Variants in PMS1 observed in about 807,000 individuals in gnomAD.
PMS1 encodes PMS1 protein homolog 1.
PMS1 carries 79 observed loss-of-function variants against 93.1 expected under a neutral mutation model. That is an observed-to-expected ratio of 0.85 (90% CI 0.71 to 1.02). PMS1 has a LOEUF of 1.02. PMS1 is among the 50% of genes least tolerant of loss of function. The probability of loss-of-function intolerance (pLI) is 0.00; values close to 1 mark genes in which losing one functional copy is unlikely to be tolerated. For synonymous variants in PMS1, 335 were observed against 363.4 expected (o/e 0.92, Z 0.89); for missense variants, 1,064 against 1,085.3 (o/e 0.98, Z 0.28).
chr2:189,785,865 C>G (rs2048289198), intron 1 of PMS1, among the ~76,000 whole-genome samples: 1 of 152,168 alleles, frequency 6.6e-6, no homozygotes, highest in Admixed American at 6.5e-5. Context: ...TGGCTCACAC[C>G]TGTAATCCCA....
intron 7 of PMS1, among the ~76,000 whole-genome samples, chr2:189,853,679 C>T (rs1219481552): frequency 6.6e-6 from 1 of 151,388 alleles, no homozygotes; most frequent in African/African-American, 2.4e-5. Flanking sequence ...CTATGCCCGG[C>T]TAATTTTTGT....
intron 1 of PMS1, among the ~76,000 whole-genome samples, chr2:189,785,891 A>G (rs1347626275): frequency 6.6e-6 from 1 of 152,080 alleles, no homozygotes; most frequent in Non-Finnish European, 1.5e-5. Context: ...TTGGGAGGCC[A>G]AGGCGGGCGG....
chr2:189,807,981 T>C (rs961585125), intron 4 of PMS1, among the ~76,000 whole-genome samples: 3 of 152,218 alleles, frequency 2.0e-5, no homozygotes, highest in Non-Finnish European at 4.4e-5. Flanking sequence ...TATATATATC[T>C]ACAAACACTT....
chr2:189,840,012 A>G (rs968194142), intron 5 of PMS1, among the ~76,000 whole-genome samples: 2 of 152,234 alleles, frequency 1.3e-5, no homozygotes, highest in Admixed American at 1.3e-4. Flanking sequence ...TTAACAAAAC[A>G]CACCATAATT....
At chr2:189,809,676 T>C (rs1328245163) in intron 4 of PMS1, among the ~76,000 whole-genome samples, 1 of 151,848 alleles carries the variant, frequency 6.6e-6, no homozygotes, top group Non-Finnish European at 1.5e-5. Flanking sequence ...AAACCCTGTC[T>C]CTCCTAAAAA....
intron 9 of PMS1, among the ~76,000 whole-genome samples, chr2:189,861,944 A>G (rs2056061770): frequency 6.6e-6 from 1 of 151,938 alleles, no homozygotes; most frequent in Admixed American, 6.6e-5. Context: ...ATATAAATAT[A>G]TCTAATATAC....
chr2:189,852,919 T>TC, intron 7 of PMS1, 142 bp downstream of exon 7: 1 of 650,924 alleles, frequency 1.5e-6, no homozygotes, highest in Non-Finnish European at 2.7e-6. Flanking sequence ...TAGAAAGACA[T>TC]ATGATGTCTC....
rs5743012 is a variant in PMS1 at position 189,805,016 on chromosome 2, T to C, written c.316-636T>C. On this transcript the variant is annotated intron_variant, in intron 3 of 12. Transcript: ENST00000441310. Reference sequence around the variant, plus strand: ...CAAAAGAGGGCAGACACTTCAAAATTTGTGTTTCTATGACTAACATCTGAG... The same window carrying C: ...CAAAAGAGGGCAGACACTTCAAAATCTGTGTTTCTATGACTAACATCTGAG... Among the ~76,000 whole-genome samples, 1,475 of 152,218 alleles carry C rather than the reference T, an allele frequency of 9.7e-3. 24 individuals carry two copies. The highest frequency in any genetic ancestry group is 0.034 in the African/African-American group (1,408 of 41,524).
At chr2:189,804,859 A>G (rs904738800) in intron 3 of PMS1, among the ~76,000 whole-genome samples, 4 of 152,108 alleles carry the variant, frequency 2.6e-5, no homozygotes, top group Non-Finnish European at 2.9e-5. Flanking sequence ...CTTCTTCCCA[A>G]TGCTTTCCTT....
At chr2:189,794,176 G>A (rs1437785956) in intron 2 of PMS1, among the ~76,000 whole-genome samples, 3 of 152,214 alleles carry the variant, frequency 2.0e-5, no homozygotes, top group East Asian at 1.9e-4. Flanking sequence ...GCAGTGGTGC[G>A]ATCTCAGCTC....
intron 5 of PMS1, among the ~76,000 whole-genome samples, chr2:189,841,409 T>C (rs371527297): frequency 6.6e-6 from 1 of 152,172 alleles, no homozygotes; most frequent in South Asian, 2.1e-4. Flanking sequence ...GTTGTTACAC[T>C]ATCTCTGCTT....
chr2:189,848,327 G>T (rs995811941), intron 6 of PMS1, among the ~76,000 whole-genome samples: 3 of 152,140 alleles, frequency 2.0e-5, no homozygotes, highest in African/African-American at 4.8e-5. Context: ...AGAATCCTGG[G>T]CTTCATCCCA....
rs1198646336 is a variant in PMS1, at chr2:189,854,874, A to T, written c.1602A>T (p.Pro534=). 1.4e-5 allele frequency: 22 copies of T among 1,608,802 alleles called. No individual in the cohort carries two copies. The highest frequency in any genetic ancestry group is 1.8e-5 in the Non-Finnish European group (21 of 1,175,720). ...LPCKVSNNNY[P]IPEQMNLNED... ...GTAAAGTAAGTAATAATAATTATCC[A>T]ATCCCTGAACAAATGAATCTTAATG... The change falls in exon 9 of 13, where the codon CCA becomes CCT. Residue 534 remains proline (P), a synonymous_variant. Transcript: ENST00000441310.
Position 189,854,433 on chromosome 2 carries a change from C to A in PMS1, c.1161C>A (p.Val387=). The A allele has an allele frequency of 6.2e-7, 1 of 1,608,352 alleles. No homozygotes were observed. Among genetic ancestry groups the A allele is most frequent in the South Asian group, 1.1e-5 (1 of 90,484 alleles). ...GKNYSNVDTS[V]IPFQNDMHND... is the part of the protein sequence containing the mutation. ...ATTATTCAAATGTTGATACTTCAGT[C>A]ATTCCATTCCAAAATGATATGCATA... Residue 387 remains valine (V), a synonymous_variant, in exon 9 of 13, where the codon GTC becomes GTA. Transcript: ENST00000441310.
intron 4 of PMS1, among the ~76,000 whole-genome samples, chr2:189,811,238 G>C (rs1046896463): frequency 2.7e-5 from 4 of 149,624 alleles, no homozygotes; most frequent in Admixed American, 2.7e-4. Flanking sequence ...TAACATGCCT[G>C]TGACTGGAAT....
intron 12 of PMS1, among the ~76,000 whole-genome samples, chr2:189,876,974 A>G (rs1403876457): frequency 1.3e-5 from 2 of 151,996 alleles, no homozygotes; most frequent in East Asian, 3.9e-4. Flanking sequence ...CAACTCTACA[A>G]TCACTCTATC....
At chr2:189,805,978 C>T in intron 4 of PMS1, 2 of 1,409,118 alleles carry the variant, frequency 1.4e-6, no homozygotes, top group South Asian at 3.1e-5. Context: ...TGGACACTTC[C>T]ATGGACTAGT....
chr2:189,843,397 A>C (rs1373423951), intron 5 of PMS1, among the ~76,000 whole-genome samples: 1 of 152,198 alleles, frequency 6.6e-6, no homozygotes, highest in African/African-American at 2.4e-5. Context: ...TTACAGATTC[A>C]GTTAACATTT....
intron 9 of PMS1, among the ~76,000 whole-genome samples, chr2:189,857,076 C>T (rs1194105444): frequency 2.0e-5 from 3 of 152,034 alleles, no homozygotes; most frequent in Non-Finnish European, 4.4e-5. Flanking sequence ...GACAGTCTCT[C>T]ATGGATTGTT....
Sources: allele counts gnomAD v4.1 joint callset (sites outside exome capture counted in the v4.1 genomes callset), GRCh38; gene constraint gnomAD v4.1.1; transcripts MANE v1.5; gene names NCBI Gene and HGNC (gene_info 2026-07-23, HGNC 2026-07-21).